Variants in BIRC6 observed in about 807,000 individuals in gnomAD.
BIRC6 encodes baculoviral IAP repeat containing 6.
Under a neutral mutation model 503.3 loss-of-function variants are expected in BIRC6, and 98 were observed. That is an observed-to-expected ratio of 0.19 (90% CI 0.17 to 0.23). The LOEUF (loss-of-function observed/expected upper bound fraction) is 0.23. Ranked by LOEUF, BIRC6 falls within the 10% of genes least tolerant of loss-of-function variation. BIRC6 has a pLI of 1.00. For missense variants in BIRC6, 5,360 were observed against 5,806.0 expected, an observed-to-expected ratio of 0.92 and a Z score of 2.50; for synonymous variants, 2,240 against 2,078.7, an observed-to-expected ratio of 1.08 and a Z score of -2.11.
At chr2:32,543,820 C>G (rs1014227602) in intron 62 of BIRC6, among the ~76,000 whole-genome samples, 3 of 152,136 alleles carry the variant, frequency 2.0e-5, no homozygotes, top group Admixed American at 2.0e-4. Context: ...AGAGCTACCC[C>G]CAAGTAGCTA....
At chr2:32,428,449 TG>T in intron 10 of BIRC6, among the ~76,000 whole-genome samples, 1 of 152,230 alleles carries the variant, frequency 6.6e-6, no homozygotes, top group East Asian at 1.9e-4. Flanking sequence ...AAGTCCCATC[TG>T]GAGATAGCAG....
chr2:32,538,035 T>G (rs2057375587), intron 61 of BIRC6, among the ~76,000 whole-genome samples: 1 of 152,108 alleles, frequency 6.6e-6, no homozygotes. Flanking sequence ...AGGCAGAAAT[T>G]AAAGAGGATT....
chr2:32,467,998 T>G lies in BIRC6; in HGVS notation c.5667T>G (p.Ser1889Arg), dbSNP rs1331126684. 2.5e-6 allele frequency: 4 copies of G among 1,613,760 alleles called. No homozygotes were observed. The highest frequency in any genetic ancestry group is 3.4e-6 in the Non-Finnish European group (4 of 1,179,814). Residue 1889 changes from serine to arginine, a missense_variant, in exon 28 of 74, where the codon AGT (serine) becomes AGG (arginine). Ser to Arg is a moderately radical substitution (Grantham distance 110, BLOSUM62 -1). This residue lies in a region of BIRC6 where 2,299 missense variants were observed against 2,267.2 expected (regional missense o/e 1.01). Coordinates refer to ENST00000421745, the MANE Select transcript of BIRC6 (RefSeq NM_016252.4). ...ATACCTACATCTTGCCTTGGGAAAG[T>G]GAACTGAAGTTAATGCATGATCCTC... ...YGHTYILPWE[S>R]ELKLMHDPLK...
Position 32,594,081 on chromosome 2 carries a change from T to C in BIRC6, c.13501+21T>C, listed in dbSNP as rs749581463. The C allele has an allele frequency of 3.8e-6, 6 of 1,594,496 alleles. No individual in the cohort carries two copies. In the South Asian group the frequency reaches 6.9e-5, roughly 18 times the overall value. On this transcript the variant is annotated intron_variant, in intron 67 of 73. Coordinates refer to ENST00000421745, the MANE Select transcript of BIRC6 (RefSeq NM_016252.4). Reference sequence around the variant, plus strand: ...TCAGGGTACAAAACTTTTCCTATTATGCCACTTTTCATTTGATGTAAAGAT... The same window carrying C: ...TCAGGGTACAAAACTTTTCCTATTACGCCACTTTTCATTTGATGTAAAGAT...
intron 1 of BIRC6, among the ~76,000 whole-genome samples, chr2:32,367,961 A>T (rs1425223140): frequency 1.3e-5 from 2 of 152,210 alleles, no homozygotes; most frequent in African/African-American, 4.8e-5. Flanking sequence ...TGTCTTCTTC[A>T]AGATTTATTG....
chr2:32,406,846 A>G (rs558439332), intron 9 of BIRC6, among the ~76,000 whole-genome samples: 1 of 152,276 alleles, frequency 6.6e-6, no homozygotes, highest in East Asian at 1.9e-4. Context: ...TTATTTGTAT[A>G]ATGTATTCTG....
At chr2:32,512,166 C>G (rs1256970714) in intron 53 of BIRC6, among the ~76,000 whole-genome samples, 1 of 152,038 alleles carries the variant, frequency 6.6e-6, no homozygotes, top group Non-Finnish European at 1.5e-5. Context: ...TCTTTATTCC[C>G]CATCATGTGA....
intron 61 of BIRC6, among the ~76,000 whole-genome samples, chr2:32,539,454 A>G (rs1407968509): frequency 6.6e-6 from 1 of 152,242 alleles, no homozygotes; most frequent in Non-Finnish European, 1.5e-5. Context: ...CAGTAAATTT[A>G]AAAACATTAA....
chr2:32,510,402 G>T, intron 52 of BIRC6, 124 bp from the exon 53 acceptor site: 1 of 667,312 alleles, frequency 1.5e-6, no homozygotes, highest in Non-Finnish European at 2.6e-6. Context: ...TTTAGAGTTT[G>T]TTCTGTGTTG....
At chr2:32,471,293 G>A (rs2049068475) in intron 32 of BIRC6, 169 bp downstream of exon 32, 1 of 494,384 alleles carries the variant, frequency 2.0e-6, no homozygotes, top group Non-Finnish European at 2.6e-6. Flanking sequence ...TCTGTTTAAA[G>A]ATAACATTTA....
In BIRC6 at chr2:32,575,261, C is replaced by T; in HGVS notation, c.13250C>T (p.Thr4417Ile). The T allele has an allele frequency of 1.2e-6, 2 of 1,613,986 alleles. No homozygotes were observed. The highest frequency in any genetic ancestry group is 1.7e-6 in the Non-Finnish European group (2 of 1,179,882). The change falls in exon 66 of 74, where the codon ACA becomes ATA. Residue 4417 changes from threonine to isoleucine, a missense_variant. Coordinates refer to ENST00000421745, the MANE Select transcript of BIRC6 (RefSeq NM_016252.4). The stretch of plus-strand genomic sequence containing the variant: ...GTGCCCCTATTGTTGCCCCTTTCTA[C>T]AGAGAACGGTGAAGAGGAAGAAGAA... ...AMVPLLLPLS[T>I]ENGEEEEEQS...
At chr2:32,442,012 CTTTAGTTGTTCTGTT>C in intron 17 of BIRC6, 38 bp from the exon 18 acceptor site, 1 of 1,326,808 alleles carries the variant, frequency 7.5e-7, no homozygotes, top group East Asian at 2.5e-5. Context: ...GTTGTGATAG[CTTTAGTTGTTCTGTT>C]TTGTTTGGTA....
At chr2:32,486,520 A>T (rs1417775943) in intron 40 of BIRC6, among the ~76,000 whole-genome samples, 1 of 152,162 alleles carries the variant, frequency 6.6e-6, no homozygotes, top group Non-Finnish European at 1.5e-5. Context: ...TCAAGGACAG[A>T]TTGGGGAGCT....
In BIRC6 at chr2:32,504,079, T is replaced by TC. The variant is rs1558912966; in HGVS notation, c.9499+843_9499+844insC. On this transcript the variant is annotated intron_variant, in intron 49 of 73. Coordinates refer to ENST00000421745, the MANE Select transcript of BIRC6 (RefSeq NM_016252.4). ...GTGTGTGTGTGTGTGTGTGTGTGTT[T>TC]AGTAGAGATGGGGTTTCACCATGTT... 2.1e-3 allele frequency among the ~76,000 whole-genome samples: 298 copies of TC among 142,906 alleles called. 4 individuals carry two copies. The highest frequency in any genetic ancestry group is 7.8e-3 in the African/African-American group (288 of 37,010). The allele number at this position is 142,906 out of a possible 152,430, so 93.8% of individuals were successfully genotyped here. A position where few individuals can be genotyped will look rare whatever the true frequency, so the allele number is the denominator to read the frequency against.
intron 8 of BIRC6, among the ~76,000 whole-genome samples, chr2:32,402,675 C>T (rs1371756013): frequency 1.3e-5 from 2 of 152,136 alleles, no homozygotes; most frequent in African/African-American, 4.8e-5. Context: ...AATGGGAAAG[C>T]AGCTTAACTG....
chr2:32,511,536 T>TA (rs1305959230), intron 53 of BIRC6, among the ~76,000 whole-genome samples: 1 of 149,020 alleles, frequency 6.7e-6, no homozygotes, highest in African/African-American at 2.5e-5. Flanking sequence ...TTTACCGTGT[T>TA]AGTCAGGATG....
At chr2:32,617,559 C>CT (rs752717145) in intron 73 of BIRC6, among the ~76,000 whole-genome samples, 166 bp from the exon 74 acceptor site, 3 of 152,186 alleles carry the variant, frequency 2.0e-5, no homozygotes, top group Non-Finnish European at 4.4e-5. Flanking sequence ...GTCAGTTTTG[C>CT]TTACCTACTA....
At chr2:32,564,826 G>A (rs2059422731) in intron 65 of BIRC6, 1 of 152,224 alleles carries the variant, frequency 6.6e-6, no homozygotes, top group African/African-American at 2.4e-5. Flanking sequence ...TTTCAGCTCT[G>A]TACTAAGGCA....
At chr2:32,449,246 T>A (rs2046410182) in intron 22 of BIRC6, 1 of 180,738 alleles carries the variant, frequency 5.5e-6, no homozygotes, top group Non-Finnish European at 1.1e-5. Flanking sequence ...TTTTCAGTTT[T>A]ATTTGATGTA....
Sources: allele counts gnomAD v4.1 joint callset (sites outside exome capture counted in the v4.1 genomes callset), GRCh38; gene constraint gnomAD v4.1.1; regional missense constraint gnomAD v4.1.1; transcripts MANE v1.5; gene names NCBI Gene and HGNC (gene_info 2026-07-23, HGNC 2026-07-21).